PSD3: variants seen among roughly 807,000 people sequenced by gnomAD.
PSD3 encodes the protein PH and SEC7 domain-containing protein 3.
A neutral mutation model predicts 105.5 loss-of-function variants in PSD3; 49 were observed. The ratio of observed to expected loss-of-function variants is 0.46; its 90% CI spans 0.37 to 0.59. The LOEUF (loss-of-function observed/expected upper bound fraction) is 0.59. PSD3 is among the 20% of genes least tolerant of loss of function. The pLI is 0.00. For synonymous variants in PSD3, 557 were observed against 457.8 expected (o/e 1.22, Z -2.77); for missense variants, 1,561 against 1,263.8 (o/e 1.24, Z -3.57).
chr8:19,051,309 C>T (rs77777099), intron 1 of PSD3, among the ~76,000 whole-genome samples: 4,484 of 152,214 alleles, frequency 0.029, 119 homozygotes, highest in African/African-American at 0.071. Context: ...AGAAGGCTTT[C>T]CTGCTTTCTG....
At chr8:18,703,226 G>A (rs1359991118) in intron 9 of PSD3, among the ~76,000 whole-genome samples, 1 of 152,148 alleles carries the variant, frequency 6.6e-6, no homozygotes, top group Non-Finnish European at 1.5e-5. Flanking sequence ...AGTCTACAAA[G>A]GGGCAGAAGT....
intron 9 of PSD3, among the ~76,000 whole-genome samples, chr8:18,666,627 G>A (rs1040973253): frequency 5.9e-5 from 9 of 151,998 alleles, no homozygotes; most frequent in South Asian, 2.1e-4. Flanking sequence ...GAGAGACTCC[G>A]GGGGTTTGGA....
intron 1 of PSD3, among the ~76,000 whole-genome samples, chr8:19,008,452 A>G (rs953853731): frequency 1.3e-5 from 2 of 152,218 alleles, no homozygotes; most frequent in African/African-American, 4.8e-5. Context: ...GACAGCAGCC[A>G]TCTAATGGCA....
intron 1 of PSD3, among the ~76,000 whole-genome samples, chr8:19,068,939 C>T (rs530585491): frequency 1.3e-5 from 2 of 152,118 alleles, no homozygotes; most frequent in South Asian, 4.2e-4. Flanking sequence ...CAAGTCCCTT[C>T]TACCATGCCC....
intron 11 of PSD3, among the ~76,000 whole-genome samples, chr8:18,614,783 C>T (rs78954590): frequency 0.034 from 5,007 of 148,742 alleles, 78 homozygotes; most frequent in East Asian, 0.059. Flanking sequence ...TGTGCACCAT[C>T]ATGCCTGGCT....
chr8:18,700,484 C>T (rs568932885), intron 9 of PSD3, among the ~76,000 whole-genome samples: 5 of 152,308 alleles, frequency 3.3e-5, no homozygotes, highest in African/African-American at 1.2e-4. Flanking sequence ...ATCTCCCATG[C>T]TTAAACCTTT....
intron 10 of PSD3, among the ~76,000 whole-genome samples, chr8:18,638,236 T>C (rs1807408933): frequency 6.6e-6 from 1 of 152,018 alleles, no homozygotes; most frequent in Non-Finnish European, 1.5e-5. Context: ...TGGAATGTTT[T>C]TCCTCTAAGA....
chr8:18,757,237 G>T (rs1444511168), intron 9 of PSD3, among the ~76,000 whole-genome samples: 2 of 150,786 alleles, frequency 1.3e-5, no homozygotes, highest in African/African-American at 4.9e-5. Flanking sequence ...TGGATCATTT[G>T]AGGTCAGGAG....
chr8:18,981,408 T>A (rs1825246541), intron 1 of PSD3, among the ~76,000 whole-genome samples: 1 of 152,164 alleles, frequency 6.6e-6, no homozygotes, highest in African/African-American at 2.4e-5. Flanking sequence ...CCAGATTCTA[T>A]CACTTACTAG....
At chr8:19,004,022 T>C (rs560226989) in intron 1 of PSD3, among the ~76,000 whole-genome samples, 2 of 152,160 alleles carry the variant, frequency 1.3e-5, no homozygotes, top group African/African-American at 4.8e-5. Flanking sequence ...TGTACCAGAA[T>C]CTTCAGGCAG....
At chr8:18,956,216 TC>T (rs1305127503) in intron 1 of PSD3, among the ~76,000 whole-genome samples, 1 of 152,204 alleles carries the variant, frequency 6.6e-6, no homozygotes, top group Non-Finnish European at 1.5e-5. Context: ...CTAGGCCCGT[TC>T]AGCAGATTGT....
intron 9 of PSD3, among the ~76,000 whole-genome samples, chr8:18,679,638 T>C (rs1032962681): frequency 2.0e-5 from 3 of 152,138 alleles, no homozygotes; most frequent in Non-Finnish European, 2.9e-5. Context: ...ACCCTGCATT[T>C]TAGGGATGAG....
At chr8:18,666,741 T>G (rs536059795) in intron 9 of PSD3, among the ~76,000 whole-genome samples, 1 of 148,312 alleles carries the variant, frequency 6.7e-6, no homozygotes, top group Admixed American at 7.1e-5. Flanking sequence ...TGGGGGGAAG[T>G]AGCTGGAAGC....
chr8:18,948,576 C>G (rs917854298), intron 1 of PSD3, among the ~76,000 whole-genome samples: 1 of 152,130 alleles, frequency 6.6e-6, no homozygotes, highest in Non-Finnish European at 1.5e-5. Context: ...CAGGCTCACA[C>G]GAAGTGTTCA....
chr8:18,826,516 G>C (rs959179183), intron 4 of PSD3, among the ~76,000 whole-genome samples: 4 of 152,104 alleles, frequency 2.6e-5, no homozygotes, highest in Admixed American at 2.0e-4. Flanking sequence ...TATTCCCTGT[G>C]ATGTAAATAA....
intron 9 of PSD3, among the ~76,000 whole-genome samples, chr8:18,658,149 A>AC (rs1554462766): frequency 6.6e-6 from 1 of 152,108 alleles, no homozygotes; most frequent in Non-Finnish European, 1.5e-5. Context: ...ATAGAATAGA[A>AC]TTTTTTTTGT....
At chr8:19,000,480 C>A (rs6995432) in intron 1 of PSD3, 105,630 of 151,008 alleles carry the variant, frequency 0.7, 37,765 homozygotes, top group East Asian at 0.91. Context: ...ACATCACACC[C>A]GGTGAACACA....
At position 18,589,058 on chromosome 8, in the gene PSD3, G is replaced by A. The variant is rs73666683; in HGVS notation, c.2481+11306C>T. Among the ~76,000 whole-genome samples the A allele has an allele frequency of 1.2e-3, 190 of 152,302 alleles. 2 individuals carry two copies. Among genetic ancestry groups the A allele is most frequent in the African/African-American group, 4.5e-3 (186 of 41,572 alleles). On this transcript the variant is annotated intron_variant, in intron 12 of 15. Coordinates refer to ENST00000327040, the MANE Select transcript of PSD3 (RefSeq NM_015310.4). The stretch of plus-strand genomic sequence containing the variant: ...TGGAATTTATGCTGGGGAAATGGCT[G>A]TGATATGTGAAATTTAATTTCAAAG...
At chr8:18,936,775 A>T (rs553795389) in intron 1 of PSD3, among the ~76,000 whole-genome samples, 5 of 152,142 alleles carry the variant, frequency 3.3e-5, no homozygotes, top group African/African-American at 1.2e-4. Context: ...AAAAAAAGAA[A>T]ACTGTATTTT....
Sources: gnomAD v4.1 joint callset for allele counts (sites outside exome capture counted in the v4.1 genomes callset) on GRCh38, gnomAD v4.1.1 for gene constraint, MANE v1.5 for transcripts, NCBI Gene and HGNC (gene_info 2026-07-23, HGNC 2026-07-21) for gene names.